AGBL1: variants seen among roughly 807,000 people sequenced by gnomAD.
AGBL1 encodes AGBL carboxypeptidase 1.
In AGBL1, 130 loss-of-function variants were observed where a neutral mutation model predicts 118.9. The observed-to-expected ratio is 1.09, with a 90% CI of 0.95 to 1.26. The LOEUF is 1.26. AGBL1 is among the 50% of genes most tolerant of loss of function. The pLI is 0.00. For missense variants in AGBL1, 1,584 were observed against 1,298.1 expected (o/e 1.22, Z -3.38); for synonymous variants, 555 against 478.9 (o/e 1.16, Z -2.08).
chr15:86,212,805 A>G (rs2141891958), intron 5 of AGBL1, among the ~76,000 whole-genome samples: 1 of 152,288 alleles, frequency 6.6e-6, no homozygotes, highest in East Asian at 1.9e-4. Context: ...GTATACCACC[A>G]TGCCTGGCTA....
At chr15:86,792,762 CA>C (rs1239226970) in intron 22 of AGBL1, among the ~76,000 whole-genome samples, 2 of 151,996 alleles carry the variant, frequency 1.3e-5, no homozygotes, top group Non-Finnish European at 2.9e-5. Context: ...GACAACATGG[CA>C]AAACCCCATC....
chr15:86,918,077 G>A (rs372435657), downstream of AGBL1, among the ~76,000 whole-genome samples: 2 of 152,264 alleles, frequency 1.3e-5, no homozygotes, highest in East Asian at 3.9e-4. Flanking sequence ...GCAGAAGCAA[G>A]AAATTTGCAA....
At chr15:86,151,872 T>C (rs1333220024) in intron 3 of AGBL1, among the ~76,000 whole-genome samples, 3 of 152,142 alleles carry the variant, frequency 2.0e-5, no homozygotes, top group Non-Finnish European at 4.4e-5. Context: ...AGCGTTCCTA[T>C]ACACCATTAA....
At chr15:86,350,377 G>A (rs1448495977) in intron 17 of AGBL1, among the ~76,000 whole-genome samples, 1 of 152,188 alleles carries the variant, frequency 6.6e-6, no homozygotes, top group Non-Finnish European at 1.5e-5. Context: ...CTGATGTGAA[G>A]TCTTGAGTGG....
intron 23 of AGBL1, among the ~76,000 whole-genome samples, chr15:86,978,887 C>G (rs1187892678): frequency 1.3e-5 from 2 of 152,122 alleles, no homozygotes; most frequent in Admixed American, 1.3e-4. Flanking sequence ...TCAGGGGGAA[C>G]CCATAAGAGG....
chr15:86,305,679 G>A (rs1216594995), intron 17 of AGBL1, among the ~76,000 whole-genome samples: 1 of 152,106 alleles, frequency 6.6e-6, no homozygotes, highest in African/African-American at 2.4e-5. Context: ...ATTACTGTTA[G>A]TAGTTTTAAA....
chr15:86,335,181 C>G (rs2080344675), intron 17 of AGBL1, among the ~76,000 whole-genome samples: 1 of 151,786 alleles, frequency 6.6e-6, no homozygotes, highest in Admixed American at 6.6e-5. Flanking sequence ...TCTTGTTGCC[C>G]AGGCTGGAGT....
At chr15:86,869,839 A>T (rs767907999) in intron 22 of AGBL1, among the ~76,000 whole-genome samples, 21 of 152,086 alleles carry the variant, frequency 1.4e-4, no homozygotes, top group Non-Finnish European at 2.5e-4. Context: ...GATCCTTTCT[A>T]CCTTAAGTCA....
chr15:86,566,703 A>G (rs773305298), intron 21 of AGBL1, among the ~76,000 whole-genome samples: 12 of 152,144 alleles, frequency 7.9e-5, no homozygotes, highest in African/African-American at 1.7e-4. Context: ...TTGCCTCTGT[A>G]TCAGGATACA....
intron 21 of AGBL1, among the ~76,000 whole-genome samples, chr15:86,639,727 T>A (rs1185292245): frequency 6.6e-6 from 1 of 152,166 alleles, no homozygotes. Context: ...CAACTGCTGA[T>A]CCCTCTTTGG....
chr15:86,424,976 G>A (rs565685285), intron 18 of AGBL1, among the ~76,000 whole-genome samples: 2 of 152,286 alleles, frequency 1.3e-5, no homozygotes, highest in Admixed American at 1.3e-4. Flanking sequence ...GTGGAAGACA[G>A]TGTGGTGATT....
At chr15:86,633,833 GTATATATATATAA>G (rs2085027036) in intron 21 of AGBL1, among the ~76,000 whole-genome samples, 4 of 31,690 alleles carry the variant, frequency 1.3e-4, no homozygotes, top group Non-Finnish European at 2.1e-4. Context: ...TATATATAAT[GTATATATATATAA>G]TGTATATATA....
chr15:86,096,264 C>T (rs1380588080), intron 1 of AGBL1, among the ~76,000 whole-genome samples: 4 of 152,122 alleles, frequency 2.6e-5, no homozygotes, highest in Non-Finnish European at 5.9e-5. Flanking sequence ...AGTCTCTGAG[C>T]CTCAGGTCTG....
At position 87,006,900 on chromosome 15, in the gene AGBL1, C is replaced by T. The variant is rs1447879662; in HGVS notation, c.3323+18812C>T. On this transcript the variant is annotated intron_variant, in intron 24 of 24. Transcript: ENST00000441037. ...GAAAAGTAAAGGATCTGACATGGGT[C>T]CTGTTTCATGGGTGAGGAGTGAGAC... is the stretch of plus-strand genomic sequence containing the variant. Among the ~76,000 whole-genome samples, 4 of 152,154 alleles carry T rather than the reference C, an allele frequency of 2.6e-5. No homozygotes were observed. The East Asian group carries it at 5.8e-4, about 22-fold the overall frequency.
intron 22 of AGBL1, among the ~76,000 whole-genome samples, chr15:86,772,062 G>A (rs1476801882): frequency 6.6e-6 from 1 of 151,996 alleles, no homozygotes; most frequent in Admixed American, 6.6e-5. Flanking sequence ...ATCTGAGAGT[G>A]GAAGTATAAG....
At chr15:86,786,403 G>A (rs2078413730) in intron 22 of AGBL1, among the ~76,000 whole-genome samples, 1 of 151,948 alleles carries the variant, frequency 6.6e-6, no homozygotes, top group African/African-American at 2.4e-5. Flanking sequence ...TATGGCTTGT[G>A]CAGTCATCAA....
intron 6 of AGBL1, among the ~76,000 whole-genome samples, chr15:86,246,521 A>G (rs78990691): frequency 0.018 from 2,665 of 152,250 alleles, 47 homozygotes; most frequent in East Asian, 0.067. Context: ...TCCTATTCAC[A>G]TGACTCTGGT....
chr15:86,829,533 T>C (rs188261169), intron 22 of AGBL1, among the ~76,000 whole-genome samples: 61 of 152,210 alleles, frequency 4.0e-4, no homozygotes, highest in African/African-American at 1.4e-3. Context: ...AGGCCTTCTA[T>C]GGAAGAGAAC....
intron 17 of AGBL1, among the ~76,000 whole-genome samples, chr15:86,319,746 T>G (rs2080075052): frequency 4.8e-5 from 1 of 20,922 alleles, no homozygotes; most frequent in Non-Finnish European, 9.5e-5. Flanking sequence ...TTTGGTAGTT[T>G]TTTTTTTTTT....
Sources: allele counts gnomAD v4.1 joint callset (sites outside exome capture counted in the v4.1 genomes callset), GRCh38; gene constraint gnomAD v4.1.1; transcripts MANE v1.5; gene names NCBI Gene and HGNC (gene_info 2026-07-23, HGNC 2026-07-21).